NFIB: variants seen among roughly 807,000 people sequenced by gnomAD.
NFIB encodes nuclear factor 1 B-type.
In NFIB, 11 loss-of-function variants were observed where a neutral mutation model predicts 61.5. The ratio of observed to expected loss-of-function variants is 0.18; its 90% confidence interval spans 0.11 to 0.30. The LOEUF (loss-of-function observed/expected upper bound fraction) is 0.30. Among genes scored for constraint, NFIB ranks in the 10% least tolerant of loss-of-function variants. NFIB has a pLI of 1.00. For synonymous variants in NFIB, 260 were observed against 216.5 expected (o/e 1.20, Z -1.76); for missense variants, 471 against 608.9 (o/e 0.77, Z 2.38).
chr9:14,094,431 G>A (rs896115944), intron 10 of NFIB: 1 of 152,020 alleles, frequency 6.6e-6, no homozygotes, highest in Non-Finnish European at 1.5e-5. Context: ...TCAATAATTT[G>A]TTTGTTGAGT....
Position 14,179,711 on chromosome 9 carries a change from T to C in NFIB, c.616+16A>G, listed in dbSNP as rs1366142626. The C allele has an allele frequency of 1.9e-6, 3 of 1,613,330 alleles. No homozygotes were observed. The highest frequency in any genetic ancestry group is 2.5e-6 in the Non-Finnish European group (3 of 1,179,406). On this transcript the variant is annotated intron_variant, in intron 3 of 10. Coordinates refer to ENST00000380953, the MANE Select transcript of NFIB (RefSeq NM_001190737.2). ...CAACAATGTCAGATTGCAAATGTCC[T>C]GGAACACATATTTACCTGGAGGATT...
chr9:14,216,839 G>T (rs919991298), intron 2 of NFIB, among the ~76,000 whole-genome samples: 6 of 152,198 alleles, frequency 3.9e-5, no homozygotes, highest in Non-Finnish European at 8.8e-5. Context: ...GATGAAAACT[G>T]TTGTCAGACA....
intron 2 of NFIB, among the ~76,000 whole-genome samples, chr9:14,232,476 C>T (rs2053304897): frequency 6.6e-6 from 1 of 152,174 alleles, no homozygotes; most frequent in African/African-American, 2.4e-5. Flanking sequence ...TACTGACACA[C>T]CACCTACCTG....
chr9:14,403,246 C>G (rs1404946936), upstream of NFIB, among the ~76,000 whole-genome samples: 1 of 152,162 alleles, frequency 6.6e-6, no homozygotes, highest in Non-Finnish European at 1.5e-5. Context: ...ATTCCTCAGG[C>G]CAAGATGAGC....
the NFIB span, among the ~76,000 whole-genome samples, chr9:14,419,725 A>G: frequency 3.3e-5 from 5 of 152,002 alleles, no homozygotes; most frequent in Non-Finnish European, 5.9e-5. Context: ...AGGTATCCAC[A>G]ACACCGACCC....
At chr9:14,140,861 G>C (rs186260299) in intron 6 of NFIB, among the ~76,000 whole-genome samples, 2 of 152,156 alleles carry the variant, frequency 1.3e-5, no homozygotes, top group African/African-American at 4.8e-5. Context: ...TTGAACCTGG[G>C]GGGGTCAGGG....
chr9:14,351,394 G>C (rs990177255), intron 1 of NFIB, among the ~76,000 whole-genome samples: 2 of 145,624 alleles, frequency 1.4e-5, no homozygotes, highest in African/African-American at 5.0e-5. Flanking sequence ...ATCCTAGGGA[G>C]CTGGGCTAGG....
the NFIB span, among the ~76,000 whole-genome samples, chr9:14,421,684 A>G: frequency 6.6e-6 from 1 of 152,228 alleles, no homozygotes; most frequent in East Asian, 1.9e-4. Flanking sequence ...TCGACAAAGC[A>G]AAGGATGCCA....
chr9:14,531,246 C>T, the NFIB span, among the ~76,000 whole-genome samples: 26,975 of 152,164 alleles, frequency 0.18, 2,778 homozygotes, highest in East Asian at 0.38. Context: ...TTTCTATGCT[C>T]CTTTCCTTCT....
the NFIB span, among the ~76,000 whole-genome samples, chr9:14,471,826 G>C: frequency 7.9e-5 from 12 of 152,208 alleles, no homozygotes; most frequent in South Asian, 2.1e-4. Flanking sequence ...TCCAGTCTGA[G>C]CTGTTTCCCA....
chr9:14,474,685 T>C, the NFIB span, among the ~76,000 whole-genome samples: 1 of 152,206 alleles, frequency 6.6e-6, no homozygotes, highest in Non-Finnish European at 1.5e-5. Context: ...AAACGAGTTA[T>C]GCACTTTTAA....
chr9:14,329,908 G>A (rs938692465), intron 1 of NFIB, among the ~76,000 whole-genome samples: 1 of 151,798 alleles, frequency 6.6e-6, no homozygotes, highest in Non-Finnish European at 1.5e-5. Flanking sequence ...CGGATCACGA[G>A]GTCAGGAGAT....
intron 2 of NFIB, among the ~76,000 whole-genome samples, chr9:14,249,244 C>T (rs1420266988): frequency 6.6e-6 from 1 of 152,184 alleles, no homozygotes; most frequent in East Asian, 1.9e-4. Context: ...ATTATCTCTG[C>T]TTTACTGATA....
chr9:14,154,919 GATC>G (rs2043230774), intron 4 of NFIB, among the ~76,000 whole-genome samples: 1 of 151,942 alleles, frequency 6.6e-6, no homozygotes, highest in East Asian at 1.9e-4. Flanking sequence ...GTTCTTTCTG[GATC>G]ATCATAATTC....
the NFIB span, among the ~76,000 whole-genome samples, chr9:14,477,337 T>C: frequency 6.6e-6 from 1 of 152,216 alleles, no homozygotes; most frequent in Non-Finnish European, 1.5e-5. Context: ...CCCTCTGAAG[T>C]GACGGTAGGT....
the NFIB span, among the ~76,000 whole-genome samples, chr9:14,407,529 A>G: frequency 6.6e-6 from 1 of 152,164 alleles, no homozygotes; most frequent in Admixed American, 6.5e-5. Flanking sequence ...GAGAATGAGC[A>G]ACAAAGGAGT....
chr9:14,297,139 T>G (rs938462053), intron 2 of NFIB, among the ~76,000 whole-genome samples: 1 of 152,166 alleles, frequency 6.6e-6, no homozygotes, highest in Non-Finnish European at 1.5e-5. Context: ...GGAACTGAGG[T>G]AGACGTCTGG....
chr9:14,144,000 G>GTA (rs748992521), intron 6 of NFIB, among the ~76,000 whole-genome samples: 1 of 147,284 alleles, frequency 6.8e-6, no homozygotes, highest in Non-Finnish European at 1.5e-5. Flanking sequence ...GAGTGTGTGT[G>GTA]TGTGTGTGTG....
chr9:14,424,387 T>C, the NFIB span, among the ~76,000 whole-genome samples: 1 of 152,170 alleles, frequency 6.6e-6, no homozygotes, highest in Middle Eastern at 3.2e-3. Context: ...AAATAGCATA[T>C]TGGAATTCAC....
Sources: allele counts gnomAD v4.1 joint callset (sites outside exome capture counted in the v4.1 genomes callset), GRCh38; gene constraint gnomAD v4.1.1; transcripts MANE v1.5; gene names NCBI Gene and HGNC (gene_info 2026-07-23, HGNC 2026-07-21).